The following PHACTR1 variants were observed in gnomAD, a reference collection of about 807,000 sequenced individuals.
PHACTR1 encodes the protein RPEL repeat containing 1.
A neutral mutation model predicts 69.2 loss-of-function variants in PHACTR1; 16 were observed. The observed-to-expected ratio is 0.23, with a 90% CI of 0.16 to 0.35. The LOEUF (loss-of-function observed/expected upper bound fraction) is 0.35, where lower values mean the gene tolerates loss of function less well. Among genes scored for constraint, PHACTR1 ranks in the 10% least tolerant of loss-of-function variants. PHACTR1 has a pLI of 1.00. For synonymous variants in PHACTR1, 312 were observed against 284.5 expected, an observed-to-expected ratio of 1.10 and a Z score of -0.97; for missense variants, 510 against 734.7, an observed-to-expected ratio of 0.69 and a Z score of 3.54.
chr6:12,759,562 C>G (rs1767795596), intron 4 of PHACTR1, among the ~76,000 whole-genome samples: 1 of 152,058 alleles, frequency 6.6e-6, no homozygotes, highest in African/African-American at 2.4e-5. Context: ...ACCGACCTAG[C>G]CCTTGGGCTC....
At chr6:13,007,859 C>G (rs182199111) in intron 4 of PHACTR1, among the ~76,000 whole-genome samples, 3 of 152,282 alleles carry the variant, frequency 2.0e-5, no homozygotes, top group Admixed American at 6.5e-5. Context: ...TCCTTCTCAT[C>G]ATGTTGCTAT....
At chr6:12,841,273 C>T (rs1430462277) in intron 4 of PHACTR1, among the ~76,000 whole-genome samples, 2 of 152,286 alleles carry the variant, frequency 1.3e-5, no homozygotes, top group South Asian at 4.1e-4. Context: ...CCTGTTTCTT[C>T]CATTAGACCA....
rs1819998414 is a variant in PHACTR1, at chr6:13,129,123, T to A, written c.416-31081T>A. Among the ~76,000 whole-genome samples the A allele has an allele frequency of 2.6e-5, 4 of 152,232 alleles. 1 individual carries two copies. In the South Asian group the frequency reaches 8.3e-4, roughly 32 times the overall value. ...AAATGCTGAGAGAATTTGCCACTAC[T>A]AAGCCAGCACTACAAGACATGCTAA... is the stretch of plus-strand genomic sequence containing the variant. On this transcript the variant is annotated intron_variant, in intron 5 of 14. Coordinates refer to ENST00000332995, the MANE Select transcript of PHACTR1 (RefSeq NM_030948.6).
intron 4 of PHACTR1, among the ~76,000 whole-genome samples, chr6:12,913,247 T>C (rs1225433409): frequency 6.6e-6 from 1 of 152,234 alleles, no homozygotes; most frequent in South Asian, 2.1e-4. Context: ...GTGACTAGCC[T>C]GTGAGGCTAG....
At chr6:13,073,058 C>T (rs1452368229) in intron 5 of PHACTR1, among the ~76,000 whole-genome samples, 1 of 152,006 alleles carries the variant, frequency 6.6e-6, no homozygotes, top group Non-Finnish European at 1.5e-5. Context: ...GTGAATGTTG[C>T]AAAGGACCAA....
chr6:13,234,298 A>G (rs1037463107), intron 10 of PHACTR1, among the ~76,000 whole-genome samples: 1 of 152,240 alleles, frequency 6.6e-6, no homozygotes, highest in Non-Finnish European at 1.5e-5. Context: ...TCATCTGATT[A>G]CTGTGTGCAA....
chr6:13,063,469 T>C (rs373174137), intron 5 of PHACTR1, among the ~76,000 whole-genome samples: 2 of 151,990 alleles, frequency 1.3e-5, no homozygotes, highest in East Asian at 1.9e-4. Flanking sequence ...AGGTTAACAG[T>C]CTACAGCTTA....
intron 4 of PHACTR1, among the ~76,000 whole-genome samples, chr6:13,003,972 T>TAC (rs1798457030): frequency 7.5e-6 from 1 of 132,526 alleles, no homozygotes; most frequent in Non-Finnish European, 1.6e-5. Flanking sequence ...TATGTATATA[T>TAC]ATATATACAC....
At chr6:13,043,263 C>G (rs549846010) in intron 4 of PHACTR1, among the ~76,000 whole-genome samples, 1 of 152,258 alleles carries the variant, frequency 6.6e-6, no homozygotes, top group African/African-American at 2.4e-5. Flanking sequence ...CCTGTCTCTA[C>G]TAAAAATACA....
At chr6:12,754,109 C>T (rs1450937827) in intron 4 of PHACTR1, among the ~76,000 whole-genome samples, 1 of 148,298 alleles carries the variant, frequency 6.7e-6, no homozygotes, top group African/African-American at 2.5e-5. Flanking sequence ...ACTACAGGCA[C>T]CTGCCACCAC....
intron 4 of PHACTR1, among the ~76,000 whole-genome samples, chr6:12,950,663 T>G (rs550527698): frequency 1.3e-5 from 2 of 152,124 alleles, no homozygotes; most frequent in Non-Finnish European, 2.9e-5. Flanking sequence ...GTTTTATACA[T>G]GAGAAAAAGG....
At chr6:12,967,811 C>T (rs1793674823) in intron 4 of PHACTR1, among the ~76,000 whole-genome samples, 1 of 152,218 alleles carries the variant, frequency 6.6e-6, no homozygotes. Flanking sequence ...GAAATTCACT[C>T]CATATGTTTC....
intron 4 of PHACTR1, among the ~76,000 whole-genome samples, chr6:12,830,101 GA>G (rs1328064238): frequency 5.1e-5 from 1 of 19,502 alleles, no homozygotes; most frequent in Admixed American, 7.3e-4. Flanking sequence ...GGGAAAGAAA[GA>G]AAGAAAGAAA....
chr6:12,722,266 T>C (rs1762220542), intron 3 of PHACTR1, among the ~76,000 whole-genome samples: 1 of 152,216 alleles, frequency 6.6e-6, no homozygotes, highest in Non-Finnish European at 1.5e-5. Context: ...TCAAGTGTTC[T>C]TACAGATGTA....
At chr6:12,725,553 T>C (rs1433205056) in intron 3 of PHACTR1, among the ~76,000 whole-genome samples, 1 of 152,204 alleles carries the variant, frequency 6.6e-6, no homozygotes, top group Non-Finnish European at 1.5e-5. Context: ...CTCATATAAA[T>C]GGCTTTACTT....
intron 10 of PHACTR1, among the ~76,000 whole-genome samples, chr6:13,243,361 G>C (rs1019753725): frequency 6.6e-6 from 1 of 151,880 alleles, no homozygotes; most frequent in Non-Finnish European, 1.5e-5. Context: ...ACCATGAAAG[G>C]ATTTCTCAGT....
chr6:12,824,075 G>A (rs191658782), intron 4 of PHACTR1, among the ~76,000 whole-genome samples: 159 of 152,270 alleles, frequency 1.0e-3, no homozygotes, highest in African/African-American at 3.5e-3. Flanking sequence ...GTTCACAGCC[G>A]CTCCCCATCG....
chr6:12,743,146 C>T (rs928773469), intron 3 of PHACTR1, among the ~76,000 whole-genome samples: 2 of 146,664 alleles, frequency 1.4e-5, no homozygotes, highest in African/African-American at 5.0e-5. Context: ...CCAGAGATTA[C>T]TTGTTAGTTC....
intron 10 of PHACTR1, among the ~76,000 whole-genome samples, chr6:13,254,913 A>C (rs1374368655): frequency 3.3e-5 from 5 of 152,262 alleles, no homozygotes; most frequent in Non-Finnish European, 5.9e-5. Flanking sequence ...AAGAGAGGAC[A>C]TAAATTCTGA....
Sources: gnomAD v4.1 joint callset for allele counts (sites outside exome capture counted in the v4.1 genomes callset) on GRCh38, gnomAD v4.1.1 for gene constraint, MANE v1.5 for transcripts, NCBI Gene and HGNC (gene_info 2026-07-23, HGNC 2026-07-21) for gene names.